The following OPA1 variants were observed in gnomAD, a reference collection of about 807,000 sequenced individuals.
The protein encoded by OPA1 is dynamin-like GTPase OPA1, mitochondrial.
OPA1 carries 59 observed loss-of-function variants against 152.9 expected under a neutral mutation model. The ratio of observed to expected loss-of-function variants is 0.39; its 90% CI spans 0.31 to 0.48. The LOEUF (loss-of-function observed/expected upper bound fraction) is 0.48, where lower values mean the gene tolerates loss of function less well. Ranked by LOEUF, OPA1 falls within the 20% of genes least tolerant of loss-of-function variation. The probability of loss-of-function intolerance (pLI) is 0.96; values close to 1 mark genes in which losing one functional copy is unlikely to be tolerated. For synonymous variants in OPA1, 400 were observed against 389.9 expected, an observed-to-expected ratio of 1.03 and a Z score of -0.31; for missense variants, 1,008 against 1,216.8, an observed-to-expected ratio of 0.83 and a Z score of 2.55.
intron 8 of OPA1, among the ~76,000 whole-genome samples, chr3:193,634,547 AG>A (rs1732638257): frequency 6.6e-6 from 1 of 151,740 alleles, no homozygotes; most frequent in African/African-American, 2.4e-5. Context: ...CCTCCCTAGT[AG>A]CTGGGACTAC....
chr3:193,651,976 A>G (rs1712590809), intron 21 of OPA1, among the ~76,000 whole-genome samples: 1 of 152,212 alleles, frequency 6.6e-6, no homozygotes, highest in Non-Finnish European at 1.5e-5. Flanking sequence ...GTAGATAAAG[A>G]AGGCAATAAA....
chr3:193,618,764 C>T, intron 5 of OPA1, 105 bp from the exon 6 acceptor site: 2 of 879,714 alleles, frequency 2.3e-6, no homozygotes, highest in South Asian at 1.3e-5. Context: ...ATCTGAGTTG[C>T]TCTAAAAATC....
intron 29 of OPA1, among the ~76,000 whole-genome samples, chr3:193,676,411 T>C (rs1434256410): frequency 6.6e-6 from 1 of 152,150 alleles, no homozygotes; most frequent in Non-Finnish European, 1.5e-5. Flanking sequence ...CTAGGAAAGA[T>C]AGTGAAGAAT....
intron 29 of OPA1, 118 bp from the exon 30 acceptor site, chr3:193,691,945 C>T: frequency 1.5e-6 from 1 of 646,404 alleles, no homozygotes; most frequent in Admixed American, 2.5e-5. Flanking sequence ...TATGGTGAGA[C>T]TCATATTTTT....
At chr3:193,670,042 T>C (rs11915238) in intron 29 of OPA1, among the ~76,000 whole-genome samples, 74,880 of 152,026 alleles carry the variant, frequency 0.49, 18,868 homozygotes, top group African/African-American at 0.56. Context: ...AGCCATGACT[T>C]TGTTCATTAG....
intron 29 of OPA1, among the ~76,000 whole-genome samples, chr3:193,690,332 A>C (rs1258691167): frequency 8.5e-5 from 8 of 94,650 alleles, no homozygotes; most frequent in South Asian, 4.6e-4. Context: ...ACACACACAC[A>C]GATTTTATAT....
intron 1 of OPA1, among the ~76,000 whole-genome samples, chr3:193,602,558 C>T (rs1726628201): frequency 6.6e-6 from 1 of 152,174 alleles, no homozygotes. Flanking sequence ...CTCCCAGTGA[C>T]TATTTCATAA....
At chr3:193,662,187 C>T (rs1715428803) in intron 25 of OPA1, among the ~76,000 whole-genome samples, 1 of 152,088 alleles carries the variant, frequency 6.6e-6, no homozygotes, top group Admixed American at 6.6e-5. Context: ...TCAAACATAA[C>T]TAGTGTAGGT....
intron 1 of OPA1, among the ~76,000 whole-genome samples, chr3:193,602,217 G>A (rs1726573503): frequency 2.0e-5 from 3 of 152,172 alleles, no homozygotes; most frequent in Non-Finnish European, 1.5e-5. Flanking sequence ...AGTACCAGGA[G>A]TCTGAGGGGG....
At position 193,667,364 on chromosome 3, in the gene OPA1, C is replaced by T. The variant is rs573137605; in HGVS notation, c.2983+84C>T. ...GTTTGTTGATCCATTTAATCTCAAA[C>T]TTACAGAAAAGTTACAAGGAACTGG... On this transcript the variant is annotated intron_variant, in intron 29 of 30. Transcript: ENST00000361510. 601 of 818,036 alleles carry T rather than the reference C, an allele frequency of 7.3e-4. 9 individuals carry two copies. In the South Asian group the frequency reaches 8.0e-3, roughly 11 times the overall value. The allele number at this position is 818,036 out of a possible 1,614,324, so 50.7% of individuals were successfully genotyped here. A position where few individuals can be genotyped will look rare whatever the true frequency, so the allele number is the denominator to read the frequency against.
At chr3:193,609,837 T>C (rs1359319805) in intron 1 of OPA1, among the ~76,000 whole-genome samples, 1 of 152,252 alleles carries the variant, frequency 6.6e-6, no homozygotes, top group Non-Finnish European at 1.5e-5. Context: ...AATCGGCTAC[T>C]GAGGCTTGTG....
chr3:193,608,292 G>T (rs868451367), intron 1 of OPA1, among the ~76,000 whole-genome samples: 1 of 152,086 alleles, frequency 6.6e-6, no homozygotes, highest in Non-Finnish European at 1.5e-5. Context: ...TAATTGTGAC[G>T]TTAGGGTGTC....
chr3:193,611,849 T>A (rs1181863724), intron 1 of OPA1, among the ~76,000 whole-genome samples: 1 of 151,810 alleles, frequency 6.6e-6, no homozygotes, highest in Non-Finnish European at 1.5e-5. Context: ...TCTTTTCTTT[T>A]TTTTTTGCTT....
At position 193,659,534 on chromosome 3, in the gene OPA1, A is replaced by G. The variant is rs752247543; in HGVS notation, c.2493A>G (p.Leu831=). The G allele has an allele frequency of 2.5e-6, 4 of 1,612,304 alleles. No individual in the cohort carries two copies. In the African/African-American group the frequency reaches 4.0e-5, roughly 16 times the overall value. The part of the protein sequence containing the change: ...MVGPDWKKRW[L]YWKNRTQEQC... ...GTCCAGACTGGAAAAAGAGGTGGTT[A>G]TACTGGAAGAATCGGACCCAAGAAC... The change falls in exon 25 of 31, where the codon TTA becomes TTG. Residue 831 remains leucine (L), a synonymous_variant. Transcript: ENST00000361510.
intron 8 of OPA1, among the ~76,000 whole-genome samples, chr3:193,634,511 G>A (rs538976259): frequency 4.8e-4 from 73 of 151,890 alleles, no homozygotes; most frequent in African/African-American, 1.7e-3. Context: ...TCCGCCTCCC[G>A]GGTTCAAGCG....
chr3:193,689,574 C>T (rs149949672), intron 29 of OPA1, among the ~76,000 whole-genome samples: 47 of 152,258 alleles, frequency 3.1e-4, no homozygotes, highest in African/African-American at 1.1e-3. Flanking sequence ...GGGTGAGACA[C>T]CTGCATCAGG....
At chr3:193,648,703 CA>C in intron 20 of OPA1, 91 bp from the exon 21 acceptor site, 1 of 917,928 alleles carries the variant, frequency 1.1e-6, no homozygotes, top group Non-Finnish European at 1.8e-6. Context: ...TCAGCCTAGT[CA>C]AAAACCTCCC....
chr3:193,648,021 T>C, intron 19 of OPA1, 49 bp from the exon 20 acceptor site: 1 of 1,340,540 alleles, frequency 7.5e-7, no homozygotes, highest in South Asian at 1.2e-5. Flanking sequence ...AACCACTACA[T>C]CTGGAAAGAA....
intron 6 of OPA1, among the ~76,000 whole-genome samples, chr3:193,621,320 C>T (rs923449867): frequency 2.6e-5 from 4 of 152,144 alleles, no homozygotes; most frequent in African/African-American, 7.2e-5. Flanking sequence ...GTGAAAGTGA[C>T]GGGGAGCTGA....
Sources: allele counts gnomAD v4.1 joint callset (sites outside exome capture counted in the v4.1 genomes callset), GRCh38; gene constraint gnomAD v4.1.1; transcripts MANE v1.5; gene names NCBI Gene and HGNC (gene_info 2026-07-23, HGNC 2026-07-21).